Variants in SIPA1L1 observed in about 807,000 individuals in gnomAD.
SIPA1L1 encodes the protein signal-induced proliferation-associated 1-like protein 1.
SIPA1L1 carries 26 observed loss-of-function variants against 162.7 expected under a neutral mutation model. The observed-to-expected ratio is 0.16, with a 90% CI of 0.12 to 0.22. The LOEUF (loss-of-function observed/expected upper bound fraction) is 0.22. Among genes scored for constraint, SIPA1L1 ranks in the 10% least tolerant of loss-of-function variants. The pLI is 1.00. For missense variants in SIPA1L1, 1,874 were observed against 2,241.0 expected (o/e 0.84, Z 3.31); for synonymous variants, 829 against 837.4 (o/e 0.99, Z 0.17).
intron 2 of SIPA1L1, among the ~76,000 whole-genome samples, chr14:71,511,643 C>G (rs188326589): frequency 2.4e-4 from 36 of 152,246 alleles, no homozygotes; most frequent in South Asian, 8.3e-4. Flanking sequence ...GACACAAGAG[C>G]TTCGAAGACC....
intron 2 of SIPA1L1, among the ~76,000 whole-genome samples, chr14:71,396,038 G>A (rs2041166128): frequency 6.6e-6 from 1 of 152,022 alleles, no homozygotes; most frequent in Non-Finnish European, 1.5e-5. Flanking sequence ...TTAGAGAAGG[G>A]AACATAGTAG....
At chr14:71,574,304 G>C (rs527578126) in intron 4 of SIPA1L1, 1 of 153,074 alleles carries the variant, frequency 6.5e-6, no homozygotes, top group South Asian at 2.1e-4. Context: ...ATTGAATGGA[G>C]TTGTGTTCCA....
chr14:71,674,900 T>A (rs2044969441), intron 12 of SIPA1L1, among the ~76,000 whole-genome samples: 1 of 152,162 alleles, frequency 6.6e-6, no homozygotes, highest in Non-Finnish European at 1.5e-5. Context: ...ACTCAAAGGT[T>A]AGTAACTTGC....
intron 2 of SIPA1L1, among the ~76,000 whole-genome samples, chr14:71,463,030 C>T (rs2046725251): frequency 6.6e-6 from 1 of 152,220 alleles, no homozygotes. Flanking sequence ...ATTGGAGTCA[C>T]CAGTTGGTTA....
At chr14:71,620,937 C>A (rs141365468) in intron 6 of SIPA1L1, among the ~76,000 whole-genome samples, 207 of 152,264 alleles carry the variant, frequency 1.4e-3, no homozygotes, top group Non-Finnish European at 2.5e-3. Flanking sequence ...TCAAAAAAAC[C>A]ATTACCACTT....
intron 5 of SIPA1L1, among the ~76,000 whole-genome samples, chr14:71,602,025 G>A (rs1239952209): frequency 6.7e-6 from 1 of 148,376 alleles, no homozygotes; most frequent in Non-Finnish European, 1.5e-5. Context: ...TTTTTATTTT[G>A]TAGATTTTTT....
At chr14:71,339,379 T>C (rs1293382798) in intron 2 of SIPA1L1, among the ~76,000 whole-genome samples, 2 of 151,704 alleles carry the variant, frequency 1.3e-5, no homozygotes, top group Non-Finnish European at 2.9e-5. Flanking sequence ...TTTTTTTTTT[T>C]TGGGACAAAG....
chr14:71,555,860 GT>G (rs1156872323), intron 4 of SIPA1L1, among the ~76,000 whole-genome samples: 1 of 152,128 alleles, frequency 6.6e-6, no homozygotes, highest in African/African-American at 2.4e-5. Flanking sequence ...TTTGTTGATT[GT>G]TTGACATTTG....
chr14:71,379,825 A>G (rs2039741092), intron 2 of SIPA1L1, among the ~76,000 whole-genome samples: 2 of 152,246 alleles, frequency 1.3e-5, no homozygotes, highest in Non-Finnish European at 2.9e-5. Context: ...TTCGTTTGGT[A>G]GACATTGAGC....
intron 4 of SIPA1L1, among the ~76,000 whole-genome samples, chr14:71,563,120 A>G (rs1031059553): frequency 5.9e-5 from 9 of 152,216 alleles, no homozygotes; most frequent in African/African-American, 1.9e-4. Context: ...TAGAGTAGAC[A>G]TACAATAAAT....
chr14:71,648,431 T>C (rs1170406673), intron 7 of SIPA1L1, among the ~76,000 whole-genome samples: 2 of 152,182 alleles, frequency 1.3e-5, no homozygotes, highest in Non-Finnish European at 2.9e-5. Context: ...GTTCATTTGT[T>C]TTCTCCCCTG....
chr14:71,579,317 T>C (rs893527596), intron 4 of SIPA1L1, among the ~76,000 whole-genome samples: 1 of 152,198 alleles, frequency 6.6e-6, no homozygotes, highest in African/African-American at 2.4e-5. Flanking sequence ...TTCTAGGCTA[T>C]GTAGTTTTTT....
intron 8 of SIPA1L1, among the ~76,000 whole-genome samples, chr14:71,657,209 A>G (rs566507864): frequency 2.6e-5 from 4 of 152,114 alleles, no homozygotes; most frequent in Admixed American, 6.5e-5. Context: ...TTAGCCAGGC[A>G]TGGTGGCATG....
intron 4 of SIPA1L1, among the ~76,000 whole-genome samples, chr14:71,581,342 G>C (rs1039347757): frequency 9.9e-5 from 15 of 152,112 alleles, no homozygotes; most frequent in Non-Finnish European, 1.9e-4. Flanking sequence ...TTTCTTGGAG[G>C]CTTTAATAGA....
Position 71,702,405 on chromosome 14 carries a change from A to C in SIPA1L1, c.3546A>C (p.Pro1182=). Residue 1182 remains proline (P), a synonymous_variant, in exon 15 of 24, where the codon CCA becomes CCC. Transcript: ENST00000381232. ...PEGFGVSRRS[P]ASIDRQNTQS... ...GGTTTGGAGTGAGCCGTAGATCCCC[A>C]GCCTCCATTGACAGGCAGAACACCC... is the stretch of plus-strand genomic sequence containing the variant. 1 of 1,614,142 alleles carries C rather than the reference A, an allele frequency of 6.2e-7. No individual in the cohort carries two copies. Among genetic ancestry groups the C allele is most frequent in the Non-Finnish European group, 8.5e-7 (1 of 1,179,968 alleles).
At chr14:71,502,255 A>ATATATATATATAT (rs1555440997) in intron 2 of SIPA1L1, among the ~76,000 whole-genome samples, 28 of 97,548 alleles carry the variant, frequency 2.9e-4, no homozygotes, top group African/African-American at 7.7e-4. Context: ...AAAAAAAAAA[A>ATATATATATATAT]ATATATATAT....
chr14:71,585,911 A>T (rs2034537667), intron 4 of SIPA1L1, among the ~76,000 whole-genome samples: 2 of 152,188 alleles, frequency 1.3e-5, no homozygotes, highest in African/African-American at 4.8e-5. Flanking sequence ...TGCTATGGCC[A>T]TATATGCTGT....
intron 4 of SIPA1L1, among the ~76,000 whole-genome samples, chr14:71,532,193 TTGTTGTGTAATA>T (rs1460909160): frequency 7.9e-5 from 12 of 152,190 alleles, no homozygotes; most frequent in Admixed American, 2.6e-4. Flanking sequence ...AATGTATTGG[TTGTTGTGTAATA>T]TGTTTTGTGT....
chr14:71,639,316 A>G (rs1020691370), intron 7 of SIPA1L1, among the ~76,000 whole-genome samples: 1 of 152,198 alleles, frequency 6.6e-6, no homozygotes, highest in Non-Finnish European at 1.5e-5. Flanking sequence ...AGGCTAAGGC[A>G]GGAGGATCGC....
Sources: allele counts gnomAD v4.1 joint callset (sites outside exome capture counted in the v4.1 genomes callset), GRCh38; gene constraint gnomAD v4.1.1; transcripts MANE v1.5; gene names NCBI Gene and HGNC (gene_info 2026-07-23, HGNC 2026-07-21).